Variants in ZFAND4 observed in about 807,000 individuals in gnomAD.
The protein encoded by ZFAND4 is AN1-type zinc finger protein 4.
A neutral mutation model predicts 64.4 loss-of-function variants in ZFAND4; 43 were observed. That is an observed-to-expected ratio of 0.67 (90% CI 0.52 to 0.86). The LOEUF is 0.86. Among genes scored for constraint, ZFAND4 ranks in the 40% least tolerant of loss-of-function variants. The pLI, the probability that ZFAND4 is intolerant of heterozygous loss-of-function variation, is 0.00. For synonymous variants in ZFAND4, 296 were observed against 305.7 expected (o/e 0.97, Z 0.33); for missense variants, 929 against 859.8 (o/e 1.08, Z -1.01).
chr10:45,644,290 TAG>T (rs1291783712), intron 5 of ZFAND4, among the ~76,000 whole-genome samples: 1 of 152,206 alleles, frequency 6.6e-6, no homozygotes, highest in Non-Finnish European at 1.5e-5. Context: ...TGTTAGCAAT[TAG>T]ATAGCAAAGC....
At chr10:45,648,597 T>C in intron 4 of ZFAND4, 63 bp from the exon 5 acceptor site, 4 of 1,523,592 alleles carry the variant, frequency 2.6e-6, no homozygotes, top group Middle Eastern at 1.8e-4. Context: ...CTTGGTACAG[T>C]GACAGGATAT....
chr10:45,657,819 A>G (rs1258241815), intron 2 of ZFAND4, among the ~76,000 whole-genome samples: 1 of 152,250 alleles, frequency 6.6e-6, no homozygotes, highest in African/African-American at 2.4e-5. Context: ...CATAAGTGAA[A>G]AAAACCAGAC....
chr10:45,631,268 G>A (rs1392542651), intron 6 of ZFAND4, among the ~76,000 whole-genome samples: 1 of 147,498 alleles, frequency 6.8e-6, no homozygotes, highest in Non-Finnish European at 1.5e-5. Flanking sequence ...AGTGCGCCGA[G>A]ATCATGCCAC....
intron 6 of ZFAND4, among the ~76,000 whole-genome samples, chr10:45,636,577 T>C (rs114998769): frequency 6.6e-6 from 1 of 151,826 alleles, no homozygotes; most frequent in African/African-American, 2.4e-5. Context: ...GTGGAGATTG[T>C]AGTGAGCCAA....
At position 45,663,732 on chromosome 10, in the gene ZFAND4, G is replaced by A. The variant is rs769704108; in HGVS notation, c.-7C>T. The A allele has an allele frequency of 1.3e-6, 2 of 1,586,084 alleles. No individual in the cohort carries two copies. Among genetic ancestry groups the A allele is most frequent in the Non-Finnish European group, 1.7e-6 (2 of 1,172,218 alleles). On this transcript the variant is annotated 5_prime_UTR_variant, in exon 2 of 10. Coordinates refer to ENST00000344646, the MANE Select transcript of ZFAND4 (RefSeq NM_174890.4). ...GCTCTTTTCTGTTATCCATTACTTTGACTTTTCTAGTTCTTCTAAAATATG... is the reference window on the plus strand; with the variant it reads ...GCTCTTTTCTGTTATCCATTACTTTAACTTTTCTAGTTCTTCTAAAATATG...
chr10:45,667,964 A>C (rs1454871775), intron 1 of ZFAND4, among the ~76,000 whole-genome samples: 3 of 152,188 alleles, frequency 2.0e-5, no homozygotes, highest in Non-Finnish European at 4.4e-5. Flanking sequence ...TTCCTGCTTT[A>C]GGTGGGTTTT....
chr10:45,657,991 T>C (rs2048244487), intron 2 of ZFAND4, among the ~76,000 whole-genome samples: 1 of 152,226 alleles, frequency 6.6e-6, no homozygotes, highest in Non-Finnish European at 1.5e-5. Flanking sequence ...GGAACTGTTC[T>C]ATATCTTGAT....
At chr10:45,617,624 G>A (rs1564539548) in intron 9 of ZFAND4, 1 of 142,180 alleles carries the variant, frequency 7.0e-6, no homozygotes, top group African/African-American at 2.6e-5. Context: ...GTCCGCAGCA[G>A]CAGTTATTTT....
intron 5 of ZFAND4, among the ~76,000 whole-genome samples, chr10:45,644,124 A>T (rs541714158): frequency 2.0e-4 from 31 of 152,304 alleles, no homozygotes; most frequent in African/African-American, 7.2e-4. Flanking sequence ...GAGAACTACA[A>T]ATCACAGTAA....
rs1281276359 is a variant in ZFAND4, at chr10:45,616,515, T to G, written c.2105A>C (p.Tyr702Ser). 6.2e-7 allele frequency: 1 copy of G among 1,614,082 alleles called. No homozygotes were observed. Among genetic ancestry groups the G allele is most frequent in the Non-Finnish European group, 8.5e-7 (1 of 1,180,032 alleles). ...TCTCCTCCCTGCACTCTTGTAATCATAGGTACAGCCATGAGTTTCTGCATA... is the reference window on the plus strand; with the variant it reads ...TCTCCTCCCTGCACTCTTGTAATCAGAGGTACAGCCATGAGTTTCTGCATA... ...HRYAETHGCT[Y>S]DYKSAGRRYL... The change falls in exon 10 of 10, where the codon TAT becomes TCT. Residue 702 changes from tyrosine (Y) to serine (S), a missense_variant. Tyr to Ser is a moderately radical substitution (Grantham distance 144, BLOSUM62 -2). Transcript: ENST00000344646.
chr10:45,631,333 C>T (rs929668712), intron 6 of ZFAND4, among the ~76,000 whole-genome samples: 6 of 147,760 alleles, frequency 4.1e-5, no homozygotes, highest in African/African-American at 1.3e-4. Flanking sequence ...AAAAAAAATT[C>T]CAAAAAAGAA....
At chr10:45,668,900 T>C (rs2049002711) in intron 1 of ZFAND4, among the ~76,000 whole-genome samples, 1 of 152,196 alleles carries the variant, frequency 6.6e-6, no homozygotes, top group Admixed American at 6.5e-5. Flanking sequence ...TTTAAAGCAG[T>C]GTGTACAGGG....
chr10:45,627,723 G>A (rs2045935179), intron 6 of ZFAND4, among the ~76,000 whole-genome samples: 1 of 152,106 alleles, frequency 6.6e-6, no homozygotes, highest in African/African-American at 2.4e-5. Flanking sequence ...CTAGGCAGAG[G>A]GTGCCTACAA....
At chr10:45,660,129 T>G (rs2048370567) in intron 2 of ZFAND4, among the ~76,000 whole-genome samples, 2 of 148,396 alleles carry the variant, frequency 1.3e-5, no homozygotes, top group African/African-American at 2.5e-5. Flanking sequence ...ACCACTGCAC[T>G]TCAGCATGGG....
intron 6 of ZFAND4, 125 bp downstream of exon 6, chr10:45,639,687 ATAAC>A (rs2046855925): frequency 1.7e-6 from 2 of 1,205,074 alleles, no homozygotes. Flanking sequence ...AGTTTAATAA[ATAAC>A]TGAGGCCAGA....
chr10:45,667,175 TG>T (rs1185276025), intron 1 of ZFAND4, among the ~76,000 whole-genome samples: 3 of 152,216 alleles, frequency 2.0e-5, no homozygotes, highest in Non-Finnish European at 4.4e-5. Context: ...GCACAAGTTT[TG>T]TTCTCTTTTA....
intron 2 of ZFAND4, among the ~76,000 whole-genome samples, chr10:45,659,313 G>T (rs759809290): frequency 5.9e-5 from 9 of 152,086 alleles, no homozygotes; most frequent in African/African-American, 9.7e-5. Context: ...CACTAACAAG[G>T]CTCCAGTATA....
At chr10:45,636,632 G>T (rs2046616502) in intron 6 of ZFAND4, among the ~76,000 whole-genome samples, 1 of 149,698 alleles carries the variant, frequency 6.7e-6, no homozygotes, top group Admixed American at 6.7e-5. Flanking sequence ...GCAAGATTCT[G>T]TCTCAAAAAA....
chr10:45,654,134 C>CA (rs2047940545), intron 2 of ZFAND4, among the ~76,000 whole-genome samples: 1 of 151,968 alleles, frequency 6.6e-6, no homozygotes, highest in African/African-American at 2.4e-5. Flanking sequence ...TATATGGAGA[C>CA]AAAGATGGGA....
Sources: gnomAD v4.1 joint callset for allele counts (sites outside exome capture counted in the v4.1 genomes callset) on GRCh38, gnomAD v4.1.1 for gene constraint, MANE v1.5 for transcripts, NCBI Gene and HGNC (gene_info 2026-07-23, HGNC 2026-07-21) for gene names.